The following CNTN1 variants were observed in gnomAD, a reference collection of about 807,000 sequenced individuals.
CNTN1 encodes contactin-1.
In CNTN1, 38 loss-of-function variants were observed where a neutral mutation model predicts 126.4. The ratio of observed to expected loss-of-function variants is 0.30; its 90% CI spans 0.23 to 0.39. The LOEUF is 0.39. Ranked by LOEUF, CNTN1 falls within the 10% of genes least tolerant of loss-of-function variation. The pLI is 1.00. For synonymous variants in CNTN1, 413 were observed against 422.6 expected, an observed-to-expected ratio of 0.98 and a Z score of 0.28; for missense variants, 1,009 against 1,248.4, an observed-to-expected ratio of 0.81 and a Z score of 2.89.
At chr12:40,891,907 G>C (rs1216593148) in intron 1 of CNTN1, among the ~76,000 whole-genome samples, 1 of 151,992 alleles carries the variant, frequency 6.6e-6, no homozygotes, top group Non-Finnish European at 1.5e-5. Context: ...TAGAATCACT[G>C]TCAATGTAAA....
intron 7 of CNTN1, among the ~76,000 whole-genome samples, chr12:40,932,830 A>T (rs753489946): frequency 3.9e-5 from 6 of 152,058 alleles, no homozygotes; most frequent in Non-Finnish European, 7.4e-5. Context: ...GTACACACTC[A>T]ATTTGTGATC....
At chr12:41,020,572 T>C in intron 20 of CNTN1, 132 bp downstream of exon 20, 1 of 648,442 alleles carries the variant, frequency 1.5e-6, no homozygotes. Context: ...GTGTCTAGTA[T>C]TGTGGTCATA....
chr12:40,997,274 A>C (rs17553124), intron 17 of CNTN1, among the ~76,000 whole-genome samples: 2,183 of 152,336 alleles, frequency 0.014, 18 homozygotes, highest in Middle Eastern at 0.034. Context: ...TCCACATCCT[A>C]AAATGGTACA....
At chr12:40,925,870 A>G (rs60760220) in intron 6 of CNTN1, among the ~76,000 whole-genome samples, 4 of 144,012 alleles carry the variant, frequency 2.8e-5, no homozygotes, top group Non-Finnish European at 6.0e-5. Flanking sequence ...ATATATATGT[A>G]TATATACATA....
chr12:40,918,941 G>C lies in CNTN1; in HGVS notation c.227+170G>C, dbSNP rs892785991. 3.3e-5 allele frequency among the ~76,000 whole-genome samples: 5 copies of C among 152,234 alleles called. 1 individual carries two copies. The South Asian group carries it at 8.3e-4, about 25-fold the overall frequency. On this transcript the variant is annotated intron_variant, in intron 4 of 23. Transcript: ENST00000551295. The stretch of plus-strand genomic sequence containing the variant: ...AAAGTTGCCTAATGCTCAAATAGCA[G>C]ATTTTCTTAAATATATGCAAATAAT...
In CNTN1 at chr12:40,943,605, T is replaced by C. The variant is rs1334464451; in HGVS notation, c.1388T>C (p.Ile463Thr). The stretch of plus-strand genomic sequence containing the variant: ...TATTTTTATTTCACTAGAATACTCA[T>C]TTGGGAAGATGGTAGCTTGGAAATC... ...EWLVNSSRIL[I>T]WEDGSLEINN... The change falls in exon 13 of 24, where the codon ATT becomes ACT. Residue 463 changes from isoleucine to threonine, a missense_variant. Physicochemically the swap from Ile to Thr is moderately conservative, Grantham distance 89. Coordinates refer to ENST00000551295, the MANE Select transcript of CNTN1 (RefSeq NM_001843.4). 2 of 1,572,430 alleles carry C rather than the reference T, an allele frequency of 1.3e-6. No individual in the cohort carries two copies. Among genetic ancestry groups the C allele is most frequent in the Admixed American group, 3.3e-5 (2 of 59,830 alleles).
intron 1 of CNTN1, among the ~76,000 whole-genome samples, chr12:40,844,413 G>GT (rs539952483): frequency 8.2e-4 from 125 of 152,066 alleles, no homozygotes; most frequent in Middle Eastern, 3.4e-3. Context: ...CACAAATATT[G>GT]TTTTTTTGTG....
At chr12:41,054,060 C>T (rs1374492993) in intron 23 of CNTN1, among the ~76,000 whole-genome samples, 1 of 151,716 alleles carries the variant, frequency 6.6e-6, no homozygotes, top group Non-Finnish European at 1.5e-5. Context: ...TCCCTTTCCT[C>T]AAAGAAAGAG....
intron 15 of CNTN1, among the ~76,000 whole-genome samples, chr12:40,975,178 TTA>T (rs58939653): frequency 0.077 from 3,625 of 47,058 alleles, 70 homozygotes; most frequent in Non-Finnish European, 0.12. Flanking sequence ...GTAAAATGGA[TTA>T]TATATATATA....
At chr12:41,053,428 A>AATATATGTATATATAT (rs1949730802) in intron 23 of CNTN1, among the ~76,000 whole-genome samples, 1 of 64,116 alleles carries the variant, frequency 1.6e-5, no homozygotes, top group Non-Finnish European at 2.8e-5. Flanking sequence ...GTTTTCACTA[A>AATATATGTATATATAT]ATATATATAT....
At chr12:40,777,586 G>A (rs1939638897) in intron 1 of CNTN1, among the ~76,000 whole-genome samples, 1 of 151,630 alleles carries the variant, frequency 6.6e-6, no homozygotes, top group Non-Finnish European at 1.5e-5. Flanking sequence ...TTTTAAAAAA[G>A]TCACAATGTA....
intron 1 of CNTN1, among the ~76,000 whole-genome samples, chr12:40,857,287 G>T (rs111853897): frequency 1.5e-4 from 23 of 152,034 alleles, no homozygotes; most frequent in African/African-American, 5.3e-4. Context: ...GTATTCCAAA[G>T]GTGTTCACCA....
At position 40,996,135 on chromosome 12, in the gene CNTN1, G is replaced by A. The variant is rs1417347715; in HGVS notation, c.2113+2866G>A. On this transcript the variant is annotated intron_variant, in intron 17 of 23. Transcript: ENST00000551295. ...TTGAGGCACATTACTTAACCTCTGAGCCTCACTTTTTTTTTTTTTTAGACA... is the reference window on the plus strand; with the variant it reads ...TTGAGGCACATTACTTAACCTCTGAACCTCACTTTTTTTTTTTTTTAGACA... 2.0e-5 allele frequency among the ~76,000 whole-genome samples: 3 copies of A among 151,186 alleles called. No individual in the cohort carries two copies. In the East Asian group the frequency reaches 5.8e-4, roughly 29 times the overall value.
chr12:40,846,919 G>T (rs985574049), intron 1 of CNTN1, among the ~76,000 whole-genome samples: 1 of 152,044 alleles, frequency 6.6e-6, no homozygotes, highest in African/African-American at 2.4e-5. Context: ...CCAGGCTGGA[G>T]TGCAGTGGTG....
intron 15 of CNTN1, among the ~76,000 whole-genome samples, chr12:40,977,177 T>C (rs1385861537): frequency 6.6e-6 from 1 of 151,866 alleles, no homozygotes; most frequent in East Asian, 1.9e-4. Flanking sequence ...AGATCAGAGG[T>C]AGATTTAAGG....
intron 1 of CNTN1, among the ~76,000 whole-genome samples, chr12:40,725,268 G>T (rs747379135): frequency 1.3e-5 from 2 of 151,876 alleles, no homozygotes; most frequent in African/African-American, 2.4e-5. Flanking sequence ...GGGTGTGGTG[G>T]TGCATGCCTG....
chr12:40,886,508 C>T (rs996639657), intron 1 of CNTN1, among the ~76,000 whole-genome samples: 1 of 152,002 alleles, frequency 6.6e-6, no homozygotes, highest in Admixed American at 6.6e-5. Flanking sequence ...TTTCTCCCAT[C>T]TTGTAGGTTG....
Position 41,070,617 on chromosome 12 carries a change from A to T in CNTN1, c.*582A>T, listed in dbSNP as rs1423899699. 1.3e-5 allele frequency: 2 copies of T among 152,516 alleles called. No homozygotes were observed. Among genetic ancestry groups the T allele is most frequent in the Admixed American group, 6.5e-5 (1 of 15,322 alleles). 9.4% of individuals were successfully genotyped at this position (152,516 alleles called of 1,614,324 possible). ...CCATTATCAAATCATGAGTTGAAAG[A>T]TTTTGACTATTGAAAACCAAATTCT... On this transcript the variant is annotated 3_prime_UTR_variant, in exon 24 of 24. Coordinates refer to ENST00000551295, the MANE Select transcript of CNTN1 (RefSeq NM_001843.4).
chr12:40,723,018 G>A (rs1010735540), intron 1 of CNTN1, among the ~76,000 whole-genome samples: 1 of 152,028 alleles, frequency 6.6e-6, no homozygotes, highest in Admixed American at 6.6e-5. Flanking sequence ...CTTTAGGCAA[G>A]TTACTTAAAA....
Sources: allele counts gnomAD v4.1 joint callset (sites outside exome capture counted in the v4.1 genomes callset), GRCh38; gene constraint gnomAD v4.1.1; transcripts MANE v1.5; gene names NCBI Gene and HGNC (gene_info 2026-07-23, HGNC 2026-07-21).